LRRN3: variants seen among roughly 807,000 people sequenced by gnomAD.
LRRN3 encodes the protein leucine rich repeat neuronal 3.
LRRN3 carries 15 observed loss-of-function variants against 40.1 expected under a neutral mutation model. That is an observed-to-expected ratio of 0.37 (90% confidence interval 0.25 to 0.58). The LOEUF (loss-of-function observed/expected upper bound fraction) is 0.58. Among genes scored for constraint, LRRN3 ranks in the 20% least tolerant of loss-of-function variants. The probability of loss-of-function intolerance (pLI) is 0.72; values close to 1 mark genes in which losing one functional copy is unlikely to be tolerated. For missense variants in LRRN3, 746 were observed against 837.7 expected (o/e 0.89, Z 1.35); for synonymous variants, 308 against 297.2 (o/e 1.04, Z -0.37).
chr7:111,094,135 C>T (rs1797155511), intron 1 of LRRN3, among the ~76,000 whole-genome samples: 1 of 152,060 alleles, frequency 6.6e-6, no homozygotes, highest in African/African-American at 2.4e-5. Flanking sequence ...TTTCACTCCT[C>T]CCCCCGAATC....
chr7:111,119,970 G>C (rs1800389114), intron 2 of LRRN3, among the ~76,000 whole-genome samples: 1 of 152,152 alleles, frequency 6.6e-6, no homozygotes, highest in South Asian at 2.1e-4. Context: ...ACTGAGGTTT[G>C]AAAAGACAGT....
At chr7:111,092,504 G>C (rs941128811) in intron 1 of LRRN3, among the ~76,000 whole-genome samples, 11 of 152,100 alleles carry the variant, frequency 7.2e-5, no homozygotes, top group African/African-American at 2.7e-4. Context: ...GTGAAAAGGG[G>C]ATAATGTGAA....
rs1489253208 is a variant in LRRN3 at position 111,123,819 on chromosome 7, G to A, written c.1047G>A (p.Leu349=). Residue 349 remains leucine, a synonymous_variant, in exon 3 of 3, where the codon CTG becomes CTA. Coordinates refer to ENST00000308478, the MANE Select transcript of LRRN3 (RefSeq NM_001099658.2). This position sits in a 1 kb window ranked among gnomAD's most constrained non-coding sequence, Gnocchi z 6.4. The part of the protein sequence containing the change: ...LMLNSNALSA[L]YHGTIESLPN... ...TGAACAGCAATGCTCTCAGTGCCCT[G>A]TACCATGGTACCATTGAGTCTCTGC... is the stretch of plus-strand genomic sequence containing the variant. 3 of 1,613,828 alleles carry A rather than the reference G, an allele frequency of 1.9e-6. No individual in the cohort carries two copies. Among genetic ancestry groups the A allele is most frequent in the Non-Finnish European group, 2.5e-6 (3 of 1,179,966 alleles).
chr7:111,120,225 G>T lies in LRRN3; in HGVS notation c.-358-2190G>T, dbSNP rs573085056. Among the ~76,000 whole-genome samples the T allele has an allele frequency of 7.2e-5, 11 of 152,210 alleles. No homozygotes were observed. The South Asian group carries it at 2.3e-3, about 32-fold the overall frequency. On this transcript the variant is annotated intron_variant, in intron 2 of 2. Transcript: ENST00000308478. ...GATTGCATTAATCCGTTCTCATGCT[G>T]CTAATAGAGACATATCCAAGACTGA...
Position 111,122,973 on chromosome 7 carries a change from G to A in LRRN3, c.201G>A (p.Leu67=). Residue 67 remains leucine, a synonymous_variant, in exon 3 of 3, where the codon TTG becomes TTA. Coordinates refer to ENST00000308478, the MANE Select transcript of LRRN3 (RefSeq NM_001099658.2). The part of the protein sequence containing the change: ...DLGLLTFPAR[L]PANTQILLLQ... ...GTCTTTTAACTTTCCCAGCCAGATT[G>A]CCAGCTAACACACAGATTCTTCTCC... 6.2e-7 allele frequency: 1 copy of A among 1,613,988 alleles called. No homozygotes were observed. The highest frequency in any genetic ancestry group is 1.1e-5 in the South Asian group (1 of 91,072).
chr7:111,097,985 T>C (rs1319213799), intron 1 of LRRN3, among the ~76,000 whole-genome samples: 2 of 151,780 alleles, frequency 1.3e-5, no homozygotes, highest in Non-Finnish European at 1.5e-5. Flanking sequence ...GAATTGTGTC[T>C]AGGTCACAAT....
intron 2 of LRRN3, among the ~76,000 whole-genome samples, chr7:111,115,517 C>G (rs1229637140): frequency 6.6e-6 from 1 of 151,984 alleles, no homozygotes; most frequent in Non-Finnish European, 1.5e-5. Context: ...ATTTCATCCC[C>G]CCCTCTGTAA....
At chr7:111,101,286 T>C (rs536851674) in intron 2 of LRRN3, among the ~76,000 whole-genome samples, 2 of 151,528 alleles carry the variant, frequency 1.3e-5, no homozygotes, top group East Asian at 3.9e-4. Flanking sequence ...TATAGATACA[T>C]CCCTAGTCAT....
intron 1 of LRRN3, among the ~76,000 whole-genome samples, chr7:111,098,650 C>G (rs191261881): frequency 6.6e-6 from 1 of 151,850 alleles, no homozygotes; most frequent in African/African-American, 2.4e-5. Flanking sequence ...ATGCTAAGCA[C>G]TTAACATACA....
At chr7:111,112,261 G>A (rs1799325226) in intron 2 of LRRN3, among the ~76,000 whole-genome samples, 1 of 151,992 alleles carries the variant, frequency 6.6e-6, no homozygotes, top group South Asian at 2.1e-4. Flanking sequence ...ACCACTCCTG[G>A]CCCTGAAAAT....
At chr7:111,113,694 T>G (rs1454711177) in intron 2 of LRRN3, among the ~76,000 whole-genome samples, 1 of 151,832 alleles carries the variant, frequency 6.6e-6, no homozygotes, top group Non-Finnish European at 1.5e-5. Context: ...GCAGGATAAT[T>G]GAAAGAGGGT....
chr7:111,112,057 C>T (rs930745105), intron 2 of LRRN3, among the ~76,000 whole-genome samples: 1 of 147,370 alleles, frequency 6.8e-6, no homozygotes, highest in Non-Finnish European at 1.5e-5. Context: ...CGGTGATTCT[C>T]CTGTCTCAGC....
At chr7:111,101,901 T>C (rs1798021081) in intron 2 of LRRN3, among the ~76,000 whole-genome samples, 3 of 151,632 alleles carry the variant, frequency 2.0e-5, no homozygotes, top group Non-Finnish European at 4.4e-5. Context: ...TGTAGAGTAC[T>C]AGGTTATGTA....
At chr7:111,106,196 A>G (rs1325694905) in intron 2 of LRRN3, among the ~76,000 whole-genome samples, 1 of 151,884 alleles carries the variant, frequency 6.6e-6, no homozygotes, top group Non-Finnish European at 1.5e-5. Flanking sequence ...TCCTTTACCT[A>G]CTTACTTCTC....
chr7:111,117,830 C>A (rs1338875028), intron 2 of LRRN3, among the ~76,000 whole-genome samples: 1 of 151,998 alleles, frequency 6.6e-6, no homozygotes, highest in South Asian at 2.1e-4. Context: ...TTTTTCTTCA[C>A]CAATTTTTCA....
chr7:111,106,531 C>T (rs1172293455), intron 2 of LRRN3, among the ~76,000 whole-genome samples: 1 of 151,742 alleles, frequency 6.6e-6, no homozygotes, highest in African/African-American at 2.4e-5. Flanking sequence ...GTGGAAACTT[C>T]TCATGAACTT....
intron 2 of LRRN3, among the ~76,000 whole-genome samples, chr7:111,117,764 A>G (rs1800065759): frequency 6.6e-6 from 1 of 152,076 alleles, no homozygotes. Context: ...GAACTTAGCC[A>G]GCAATTTGCT....
intron 1 of LRRN3, among the ~76,000 whole-genome samples, chr7:111,095,614 A>C (rs1371638228): frequency 6.6e-6 from 1 of 152,008 alleles, no homozygotes; most frequent in Non-Finnish European, 1.5e-5. Context: ...TAAAAATTAG[A>C]GTTTTGCCCT....
chr7:111,098,781 G>A (rs1319149324), intron 1 of LRRN3, among the ~76,000 whole-genome samples: 3 of 151,698 alleles, frequency 2.0e-5, no homozygotes, highest in Non-Finnish European at 4.4e-5. Context: ...TGAAGAACAC[G>A]AAAAGGAACC....
Sources: gnomAD v4.1 joint callset for allele counts (sites outside exome capture counted in the v4.1 genomes callset) on GRCh38, gnomAD v4.1.1 for gene constraint, Gnocchi (gnomAD v3.1) non-coding constraint, MANE v1.5 for transcripts, NCBI Gene and HGNC (gene_info 2026-07-23, HGNC 2026-07-21) for gene names.